Variants in PSMD14 observed in about 807,000 individuals in gnomAD.
PSMD14 encodes the protein proteasome 26S subunit, non-ATPase 14.
PSMD14 carries 7 observed loss-of-function variants against 41.2 expected under a neutral mutation model. The ratio of observed to expected loss-of-function variants is 0.17; its 90% CI spans 0.10 to 0.32. PSMD14 has a LOEUF of 0.32. Ranked by LOEUF, PSMD14 falls within the 10% of genes least tolerant of loss-of-function variation. PSMD14 has a pLI of 1.00. For synonymous variants in PSMD14, 114 were observed against 122.3 expected, an observed-to-expected ratio of 0.93 and a Z score of 0.45; for missense variants, 139 against 375.6, an observed-to-expected ratio of 0.37 and a Z score of 5.21.
chr2:161,373,592 C>T (rs1325885211), intron 7 of PSMD14, among the ~76,000 whole-genome samples: 2 of 151,742 alleles, frequency 1.3e-5, no homozygotes, highest in East Asian at 3.9e-4. Context: ...TAAGAGTCTC[C>T]CTCTCCCTTT....
chr2:161,332,202 T>G (rs1252477295), intron 3 of PSMD14, among the ~76,000 whole-genome samples: 3 of 152,246 alleles, frequency 2.0e-5, no homozygotes, highest in African/African-American at 4.8e-5. Context: ...TTAAGGAATT[T>G]GTGAATATTT....
chr2:161,385,710 A>G (rs1683625575), intron 8 of PSMD14, 139 bp downstream of exon 8: 1 of 554,174 alleles, frequency 1.8e-6, no homozygotes. Context: ...AGAATTGTGG[A>G]AATACTGTTG....
chr2:161,394,435 C>G (rs1036458016), intron 9 of PSMD14, among the ~76,000 whole-genome samples: 2 of 152,116 alleles, frequency 1.3e-5, no homozygotes, highest in African/African-American at 4.8e-5. Context: ...AACTGAGGAT[C>G]AGAAAGATTG....
chr2:161,365,892 C>T (rs1683351348), intron 3 of PSMD14, among the ~76,000 whole-genome samples: 1 of 152,128 alleles, frequency 6.6e-6, no homozygotes, highest in Non-Finnish European at 1.5e-5. Flanking sequence ...GAATCAATTC[C>T]TTCTGTTTAA....
In PSMD14 at chr2:161,371,300, C is replaced by A; in HGVS notation, c.440C>A (p.Pro147His). The change falls in exon 7 of 12, where the codon CCC becomes CAC. Residue 147 changes from proline (P) to histidine (H), a missense_variant. By Grantham distance (77) the Pro-to-His change is moderately conservative. This residue lies in a region of PSMD14 where 35 missense variants were observed against 162.9 expected (regional missense o/e 0.21). Coordinates refer to ENST00000409682, the MANE Select transcript of PSMD14 (RefSeq NM_005805.6). ...SERAVAVVVD[P>H]IQSVKGKVVI... ...AGAGCTGTGGCAGTGGTTGTGGATC[C>A]CATTCAGAGTGTAAAAGGAAAGGTA... 6.2e-7 allele frequency: 1 copy of A among 1,610,370 alleles called. No individual in the cohort carries two copies. Among genetic ancestry groups the A allele is most frequent in the Non-Finnish European group, 8.5e-7 (1 of 1,178,098 alleles).
intron 5 of PSMD14, among the ~76,000 whole-genome samples, chr2:161,369,054 A>AATCTTAG (rs1487300262): frequency 2.0e-5 from 3 of 151,924 alleles, no homozygotes; most frequent in Admixed American, 1.3e-4. Context: ...TTTAGATTTA[A>AATCTTAG]ATCTTAGACT....
At chr2:161,348,526 G>C (rs1335565254) in intron 3 of PSMD14, among the ~76,000 whole-genome samples, 2 of 152,196 alleles carry the variant, frequency 1.3e-5, no homozygotes, top group African/African-American at 4.8e-5. Flanking sequence ...GTACTTAATA[G>C]TGGAAGTTTG....
At chr2:161,337,756 T>G (rs561895922) in intron 3 of PSMD14, among the ~76,000 whole-genome samples, 16 of 152,278 alleles carry the variant, frequency 1.1e-4, no homozygotes, top group Admixed American at 9.2e-4. Flanking sequence ...GTAATTGAGA[T>G]GATGTGCTGT....
intron 10 of PSMD14, among the ~76,000 whole-genome samples, chr2:161,400,429 A>G (rs970107639): frequency 6.6e-6 from 1 of 152,210 alleles, no homozygotes; most frequent in African/African-American, 2.4e-5. Context: ...CGGCCCTGGA[A>G]CTATATGGAT....
At chr2:161,389,130 T>C (rs539139929) in intron 8 of PSMD14, among the ~76,000 whole-genome samples, 1 of 152,314 alleles carries the variant, frequency 6.6e-6, no homozygotes, top group Admixed American at 6.5e-5. Context: ...AGACACCAGT[T>C]AATATTTCAT....
chr2:161,340,429 A>G (rs1411159411), intron 3 of PSMD14, among the ~76,000 whole-genome samples: 2 of 152,126 alleles, frequency 1.3e-5, no homozygotes, highest in African/African-American at 4.8e-5. Context: ...AGGGCAAAAG[A>G]GGGGGGACTG....
chr2:161,362,353 A>G (rs1683300745), intron 3 of PSMD14, among the ~76,000 whole-genome samples: 1 of 152,238 alleles, frequency 6.6e-6, no homozygotes, highest in Non-Finnish European at 1.5e-5. Context: ...CTGCCTATAT[A>G]GTTACCTGGA....
At chr2:161,361,203 A>G (rs1010978035) in intron 3 of PSMD14, among the ~76,000 whole-genome samples, 1 of 152,166 alleles carries the variant, frequency 6.6e-6, no homozygotes, top group African/African-American at 2.4e-5. Flanking sequence ...AGGAAAGGAA[A>G]TTTAGTTTTA....
At chr2:161,351,558 A>G (rs1034595665) in intron 3 of PSMD14, among the ~76,000 whole-genome samples, 2 of 152,058 alleles carry the variant, frequency 1.3e-5, no homozygotes, top group African/African-American at 2.4e-5. Flanking sequence ...TGAATTTACT[A>G]CTTTCTTTCT....
At chr2:161,339,285 A>C (rs1279787813) in intron 3 of PSMD14, among the ~76,000 whole-genome samples, 1 of 152,194 alleles carries the variant, frequency 6.6e-6, no homozygotes, top group African/African-American at 2.4e-5. Context: ...CCGTTCTTCC[A>C]CATCCTTGCC....
Position 161,318,863 on chromosome 2 carries a change from G to T in PSMD14, c.38G>T (p.Gly13Val), listed in dbSNP as rs1158685324. 1 of 1,612,668 alleles carries T rather than the reference G, an allele frequency of 6.2e-7. No individual in the cohort carries two copies. Among genetic ancestry groups the T allele is most frequent in the Non-Finnish European group, 8.5e-7 (1 of 1,178,982 alleles). The part of the protein sequence containing the change: ...RLLRLGGGMP[G>V]LGQGPPTDAP... ...CTTAGACTTGGAGGAGGTATGCCTGGACTGGGCCAGGTTAGTATATAGTCT... is the reference window on the plus strand; with the variant it reads ...CTTAGACTTGGAGGAGGTATGCCTGTACTGGGCCAGGTTAGTATATAGTCT... The change falls in exon 3 of 12, where the codon GGA (glycine) becomes GTA (valine). Residue 13 changes from glycine to valine, a missense_variant. By Grantham distance (109) the Gly-to-Val change is moderately radical. Transcript: ENST00000409682.
intron 10 of PSMD14, among the ~76,000 whole-genome samples, chr2:161,396,129 T>C (rs1683790105): frequency 6.6e-6 from 1 of 152,278 alleles, no homozygotes; most frequent in South Asian, 2.1e-4. Context: ...GGTTGCTGCC[T>C]TACAGATAAA....
At chr2:161,346,017 G>A (rs115857418) in intron 3 of PSMD14, among the ~76,000 whole-genome samples, 2 of 151,948 alleles carry the variant, frequency 1.3e-5, no homozygotes, top group African/African-American at 2.4e-5. Flanking sequence ...TCAGTCTCCC[G>A]ACTACAGTCA....
At chr2:161,343,760 G>A (rs1683000872) in intron 3 of PSMD14, among the ~76,000 whole-genome samples, 1 of 152,130 alleles carries the variant, frequency 6.6e-6, no homozygotes, top group Non-Finnish European at 1.5e-5. Flanking sequence ...CCTGGGAAGT[G>A]GGGGTTGCAG....
Sources: allele counts gnomAD v4.1 joint callset (sites outside exome capture counted in the v4.1 genomes callset), GRCh38; gene constraint gnomAD v4.1.1; regional missense constraint gnomAD v4.1.1; transcripts MANE v1.5; gene names NCBI Gene and HGNC (gene_info 2026-07-23, HGNC 2026-07-21).